GRAMD2B: variants seen among roughly 807,000 people sequenced by gnomAD.
GRAMD2B encodes the protein GRAM domain containing 2B.
In GRAMD2B, 41 loss-of-function variants were observed where a neutral mutation model predicts 59.2. The ratio of observed to expected loss-of-function variants is 0.69; its 90% CI spans 0.54 to 0.90. The LOEUF (loss-of-function observed/expected upper bound fraction) is 0.90, where lower values mean the gene tolerates loss of function less well. Among genes scored for constraint, GRAMD2B ranks in the 40% least tolerant of loss-of-function variants. GRAMD2B has a pLI of 0.00. For missense variants in GRAMD2B, 424 were observed against 500.5 expected (o/e 0.85, Z 1.46); for synonymous variants, 161 against 182.7 (o/e 0.88, Z 0.96).
rs778107647 is a variant in GRAMD2B, at chr5:126,444,583, C to T, written c.84-20843C>T. 4.7e-4 allele frequency among the ~76,000 whole-genome samples: 71 copies of T among 152,178 alleles called. 1 individual carries two copies. Among genetic ancestry groups the T allele is most frequent in the Non-Finnish European group, 2.2e-4 (15 of 68,022 alleles). On this transcript the variant is annotated intron_variant, in intron 1 of 13. Transcript: ENST00000285689. The stretch of plus-strand genomic sequence containing the variant: ...CTAGAATTCCATATTTTGTTTCAAA[C>T]GTACTGCTCATTTTTTAGATCTATA...
At chr5:126,471,265 G>A (rs114148179) in intron 3 of GRAMD2B, among the ~76,000 whole-genome samples, 380 of 152,222 alleles carry the variant, frequency 2.5e-3, no homozygotes, top group African/African-American at 8.1e-3. Context: ...AGGGAGGATC[G>A]AGTTCTACCC....
At chr5:126,446,182 G>A (rs988831867) in intron 1 of GRAMD2B, among the ~76,000 whole-genome samples, 1 of 152,086 alleles carries the variant, frequency 6.6e-6, no homozygotes, top group East Asian at 1.9e-4. Context: ...TATTGGTATT[G>A]TGTTTATTTT....
At chr5:126,456,034 G>T (rs1176849954) in intron 1 of GRAMD2B, among the ~76,000 whole-genome samples, 1 of 152,174 alleles carries the variant, frequency 6.6e-6, no homozygotes, top group Non-Finnish European at 1.5e-5. Flanking sequence ...TCAAACATTT[G>T]AAGATAGTAA....
At chr5:126,452,958 C>A (rs540377540) in intron 1 of GRAMD2B, among the ~76,000 whole-genome samples, 154 of 152,246 alleles carry the variant, frequency 1.0e-3, no homozygotes, top group South Asian at 4.1e-3. Context: ...AAAACTAGTT[C>A]TTTCCTAAAC....
intron 1 of GRAMD2B, among the ~76,000 whole-genome samples, chr5:126,381,117 T>C (rs1755619359): frequency 6.6e-6 from 1 of 152,212 alleles, no homozygotes; most frequent in African/African-American, 2.4e-5. Flanking sequence ...AAAGCGATGC[T>C]AGATTTTGTC....
At chr5:126,474,116 T>C (rs1770130582) in intron 5 of GRAMD2B, among the ~76,000 whole-genome samples, 2 of 152,208 alleles carry the variant, frequency 1.3e-5, no homozygotes, top group South Asian at 2.1e-4. Context: ...TGAGCTATGA[T>C]GTCACATCAC....
chr5:126,488,699 T>C (rs1561617121), intron 12 of GRAMD2B, 100 bp from the exon 13 acceptor site: 1 of 792,790 alleles, frequency 1.3e-6, no homozygotes, highest in African/African-American at 1.7e-5. Context: ...TTCTCTTCTA[T>C]TATAAACCAA....
intron 1 of GRAMD2B, among the ~76,000 whole-genome samples, chr5:126,387,494 T>G (rs1213093521): frequency 2.0e-5 from 3 of 151,556 alleles, no homozygotes; most frequent in Non-Finnish European, 2.9e-5. Context: ...TGGTTCTCCA[T>G]CTGTATACTC....
intron 9 of GRAMD2B, 156 bp from the exon 10 acceptor site, chr5:126,484,246 T>A (rs1772441666): frequency 2.6e-6 from 2 of 756,276 alleles, no homozygotes; most frequent in African/African-American, 3.6e-5. Flanking sequence ...TGCTTAAGCA[T>A]TCAATTTCAG....
At chr5:126,370,235 A>C (rs974757139), upstream of GRAMD2B, among the ~76,000 whole-genome samples, 9 of 152,226 alleles carry the variant, frequency 5.9e-5, no homozygotes, top group African/African-American at 1.9e-4. Flanking sequence ...ACTCACTTCA[A>C]AAGTGTTCTT....
At chr5:126,452,855 A>G (rs1765610994) in intron 1 of GRAMD2B, among the ~76,000 whole-genome samples, 1 of 152,132 alleles carries the variant, frequency 6.6e-6, no homozygotes, top group East Asian at 1.9e-4. Context: ...GTAATGAAAA[A>G]TTTCAGTTTC....
intron 1 of GRAMD2B, among the ~76,000 whole-genome samples, chr5:126,386,044 T>C (rs1188801185): frequency 1.3e-5 from 2 of 152,174 alleles, no homozygotes; most frequent in Non-Finnish European, 2.9e-5. Flanking sequence ...AGAGTAAACA[T>C]GAAACTTCAA....
chr5:126,448,618 A>T (rs1016188899), intron 1 of GRAMD2B, among the ~76,000 whole-genome samples: 4 of 152,098 alleles, frequency 2.6e-5, no homozygotes, highest in African/African-American at 9.7e-5. Context: ...TGAGGTAGGG[A>T]GGTATAGTGG....
In GRAMD2B at chr5:126,387,273, G is replaced by GA. The variant is rs34031474; in HGVS notation, c.125+15717dup. On this transcript the variant is annotated intron_variant, in intron 1 of 8. Transcript: ENST00000506445. ...GGTTTCTTAAAATTTTAACTCTTCT[G>GA]AAAAAAAAAAAGGATTATCTCTTTT... Among the ~76,000 whole-genome samples, 734 of 148,788 alleles carry GA rather than the reference G, an allele frequency of 4.9e-3. 11 individuals are homozygous for GA. The highest frequency in any genetic ancestry group is 0.017 in the African/African-American group (704 of 40,592).
chr5:126,403,311 T>C (rs1757987643), intron 1 of GRAMD2B, among the ~76,000 whole-genome samples: 1 of 152,040 alleles, frequency 6.6e-6, no homozygotes, highest in Non-Finnish European at 1.5e-5. Context: ...TGTGATAAAC[T>C]CATTTTATGA....
At chr5:126,421,146 A>C (rs1486596876), upstream of GRAMD2B, among the ~76,000 whole-genome samples, 3 of 152,252 alleles carry the variant, frequency 2.0e-5, no homozygotes, top group Non-Finnish European at 4.4e-5. Context: ...GGATGATAAA[A>C]AAAAGTTTTG....
In GRAMD2B at chr5:126,492,920, A is replaced by G. The variant is rs771731862; in HGVS notation, c.1263A>G (p.Gln421=). 1.1e-5 allele frequency: 18 copies of G among 1,606,342 alleles called. No homozygotes were observed. The highest frequency in any genetic ancestry group is 1.4e-5 in the Non-Finnish European group (16 of 1,173,184). ...TTCTTTTCTTTTATTTCAAGATACA[A>G]AATAACTTACAGAAGTTGCTTGAGA... ...TANIVKLEKI[Q]NNLQKLLENG... Residue 421 remains glutamine, a synonymous_variant, in exon 14 of 14, where the codon CAA becomes CAG. Coordinates refer to ENST00000285689, the MANE Select transcript of GRAMD2B (RefSeq NM_023927.4).
At chr5:126,370,038 C>A (rs1409370091), upstream of GRAMD2B, among the ~76,000 whole-genome samples, 1 of 152,158 alleles carries the variant, frequency 6.6e-6, no homozygotes. Context: ...CAAGGAAGGA[C>A]AGGGAGGAAA....
chr5:126,392,983 G>C (rs964555357), intron 1 of GRAMD2B, among the ~76,000 whole-genome samples: 3 of 152,120 alleles, frequency 2.0e-5, no homozygotes, highest in Non-Finnish European at 4.4e-5. Flanking sequence ...TGTTTCATAG[G>C]AATTATTTAA....
Sources: allele counts gnomAD v4.1 joint callset (sites outside exome capture counted in the v4.1 genomes callset), GRCh38; gene constraint gnomAD v4.1.1; transcripts MANE v1.5; gene names NCBI Gene and HGNC (gene_info 2026-07-23, HGNC 2026-07-21).